The following ZDHHC3 variants were observed in gnomAD, a reference collection of about 807,000 sequenced individuals.
The protein encoded by ZDHHC3 is palmitoyltransferase ZDHHC3.
Under a neutral mutation model 30.6 loss-of-function variants are expected in ZDHHC3, and 9 were observed. That is an observed-to-expected ratio of 0.29 (90% CI 0.18 to 0.51). The LOEUF is 0.51. ZDHHC3 is among the 20% of genes least tolerant of loss of function. The pLI, the probability that ZDHHC3 is intolerant of heterozygous loss-of-function variation, is 0.97. For synonymous variants in ZDHHC3, 136 were observed against 140.2 expected (o/e 0.97, Z 0.21); for missense variants, 246 against 384.2 (o/e 0.64, Z 3.01).
chr3:44,942,132 A>G (rs1020535879), intron 3 of ZDHHC3, among the ~76,000 whole-genome samples: 9 of 152,396 alleles, frequency 5.9e-5, no homozygotes, highest in Non-Finnish European at 8.8e-5. Flanking sequence ...GAATGGAGAC[A>G]GTCTCAAATT....
Position 44,920,865 on chromosome 3 carries a change from G to C in ZDHHC3, c.*5824C>G, listed in dbSNP as rs1419220108. ...CAGCAGTAAAGTCGACAAACTTTCA[G>C]GGAGTGTTGACTTTTGAGTCTAGAA... On this transcript the variant is annotated 3_prime_UTR_variant, in exon 7 of 7. Coordinates refer to ENST00000424952, the MANE Select transcript of ZDHHC3 (RefSeq NM_001135179.2). 28 of 985,340 alleles carry C rather than the reference G, an allele frequency of 2.8e-5. No homozygotes were observed. The highest frequency in any genetic ancestry group is 3.3e-5 in the Non-Finnish European group (27 of 829,946). The allele number at this position is 985,340 out of a possible 1,614,324, so 61.0% of individuals were successfully genotyped here.
At chr3:44,943,778 G>T (rs577150091) in intron 3 of ZDHHC3, among the ~76,000 whole-genome samples, 2 of 152,242 alleles carry the variant, frequency 1.3e-5, no homozygotes, top group South Asian at 4.1e-4. Context: ...GGCTGAGGTG[G>T]GAGGATCACT....
rs1173118043 is a variant in ZDHHC3, at chr3:44,915,651, T to C, written c.*11038A>G. On this transcript the variant is annotated 3_prime_UTR_variant, in exon 7 of 7. Coordinates refer to ENST00000424952, the MANE Select transcript of ZDHHC3 (RefSeq NM_001135179.2). ...ACCAATCTGAAAACAGAATTGCCTT[T>C]GGGGCTGGTGTTGTACCTCTGCTTT... is the stretch of plus-strand genomic sequence containing the variant. 6.6e-6 allele frequency: 1 copy of C among 152,248 alleles called. No homozygotes were observed. The highest frequency in any genetic ancestry group is 1.5e-5 in the Non-Finnish European group (1 of 68,110). The allele number at this position is 152,248 out of a possible 1,614,324, so 9.4% of individuals were successfully genotyped here.
chr3:44,934,713 G>A (rs1292777274), intron 3 of ZDHHC3, among the ~76,000 whole-genome samples: 2 of 151,716 alleles, frequency 1.3e-5, no homozygotes, highest in Admixed American at 6.6e-5. Flanking sequence ...CGAACATGGC[G>A]AAACCCCATC....
chr3:44,972,727 G>A (rs1705505975), intron 1 of ZDHHC3, among the ~76,000 whole-genome samples: 1 of 152,102 alleles, frequency 6.6e-6, no homozygotes, highest in South Asian at 2.1e-4. Flanking sequence ...TTATTGTCTT[G>A]TTCATGCAGT....
intron 1 of ZDHHC3, among the ~76,000 whole-genome samples, chr3:44,971,176 A>G (rs568899426): frequency 9.2e-5 from 14 of 152,348 alleles, no homozygotes; most frequent in African/African-American, 3.1e-4. Context: ...TTACCTTGCT[A>G]AGGTAAGAAA....
rs1308246286 is a variant in ZDHHC3 at position 44,915,330 on chromosome 3, T to TCTC, written c.*11356_*11358dup. The TCTC allele has an allele frequency of 6.6e-6, 1 of 152,184 alleles. No homozygotes were observed. The highest frequency in any genetic ancestry group is 2.4e-5 in the African/African-American group (1 of 41,424). 9.4% of individuals were successfully genotyped at this position (152,184 alleles called of 1,614,324 possible). A position where few individuals can be genotyped will look rare whatever the true frequency, so the allele number is the denominator to read the frequency against. On this transcript the variant is annotated 3_prime_UTR_variant, in exon 7 of 7. Coordinates refer to ENST00000424952, the MANE Select transcript of ZDHHC3 (RefSeq NM_001135179.2). ...GCACCCAATCTCTCTCCCTGTAAGA[T>TCTC]CTCATCTGGTTTTGACATCAGTTGC... is the stretch of plus-strand genomic sequence containing the variant.
chr3:44,969,295 G>A (rs1475928299), intron 1 of ZDHHC3, among the ~76,000 whole-genome samples: 3 of 151,952 alleles, frequency 2.0e-5, no homozygotes, highest in Non-Finnish European at 2.9e-5. Flanking sequence ...CCTCACTTAA[G>A]GTGTCACCAC....
At chr3:44,956,006 T>C (rs1291257365) in intron 2 of ZDHHC3, among the ~76,000 whole-genome samples, 1 of 152,240 alleles carries the variant, frequency 6.6e-6, no homozygotes. Flanking sequence ...AACTGTTGTT[T>C]AGGATACAGT....
rs766633773 is a variant in ZDHHC3 at position 44,926,061 on chromosome 3, C to T, written c.*628G>A. The T allele has an allele frequency of 4.7e-5, 46 of 985,722 alleles. No homozygotes were observed. The South Asian group carries it at 6.6e-4, about 14-fold the overall frequency. The allele number at this position is 985,722 out of a possible 1,614,324, so 61.1% of individuals were successfully genotyped here. A position where few individuals can be genotyped will look rare whatever the true frequency, so the allele number is the denominator to read the frequency against. ...TCTTTCATCTTTCTCCCCACTCCCC[C>T]GCAAAATCATTCTACACACCCCAAG... On this transcript the variant is annotated 3_prime_UTR_variant, in exon 7 of 7. Coordinates refer to ENST00000424952, the MANE Select transcript of ZDHHC3 (RefSeq NM_001135179.2).
chr3:44,928,769 G>A (rs537632867), intron 6 of ZDHHC3, among the ~76,000 whole-genome samples: 5 of 152,260 alleles, frequency 3.3e-5, no homozygotes, highest in African/African-American at 9.6e-5. Context: ...AGAAGGCAGC[G>A]GATGAGGACC....
In ZDHHC3 at chr3:44,920,496, A is replaced by C. The variant is rs1019604647; in HGVS notation, c.*6193T>G. The stretch of plus-strand genomic sequence containing the variant: ...CATAGGTTTTTATGGCCTCCTTGTG[A>C]GGAGGTGGGTATGAGTATTGATGAT... On this transcript the variant is annotated 3_prime_UTR_variant, in exon 7 of 7. Transcript: ENST00000424952. 1 of 985,296 alleles carries C rather than the reference A, an allele frequency of 1.0e-6. No individual in the cohort carries two copies. Among genetic ancestry groups the C allele is most frequent in the African/African-American group, 1.7e-5 (1 of 57,232 alleles). The allele number at this position is 985,296 out of a possible 1,614,324, so 61.0% of individuals were successfully genotyped here.
rs9809376 is a variant in ZDHHC3 at position 44,945,040 on chromosome 3, T to C, written c.431+128A>G. 3,344 of 1,367,010 alleles carry C rather than the reference T, an allele frequency of 2.4e-3. 40 individuals carry two copies. The African/African-American group carries it at 0.03, about 12-fold the overall frequency. 84.7% of individuals were successfully genotyped at this position (1,367,010 alleles called of 1,614,324 possible). A position where few individuals can be genotyped will look rare whatever the true frequency, so the allele number is the denominator to read the frequency against. On this transcript the variant is annotated intron_variant, in intron 3 of 6. Transcript: ENST00000424952. ...CACTCTCTGCCCAGAGCAGGGGACA[T>C]TTGGAATCCCGATGCTGACTTGGCC... is the stretch of plus-strand genomic sequence containing the variant.
Position 44,926,370 on chromosome 3 carries a change from T to C in ZDHHC3, c.*319A>G. The C allele has an allele frequency of 9.5e-7, 1 of 1,050,346 alleles. No individual in the cohort carries two copies. The allele number at this position is 1,050,346 out of a possible 1,614,324, so 65.1% of individuals were successfully genotyped here. A position where few individuals can be genotyped will look rare whatever the true frequency, so the allele number is the denominator to read the frequency against. On this transcript the variant is annotated 3_prime_UTR_variant, in exon 7 of 7. Transcript: ENST00000424952. ...GTCATGTCTCACTCAGTTAGTAGAA[T>C]GGGCACAGCGCGAGACAGCGCCCTC...
At chr3:44,945,855 C>A (rs1344559548) in intron 2 of ZDHHC3, among the ~76,000 whole-genome samples, 1 of 152,162 alleles carries the variant, frequency 6.6e-6, no homozygotes, top group African/African-American at 2.4e-5. Flanking sequence ...CCACACCCGG[C>A]CAATTCTTTG....
In ZDHHC3 at chr3:44,920,454, G is replaced by A. The variant is rs186676939; in HGVS notation, c.*6235C>T. On this transcript the variant is annotated 3_prime_UTR_variant, in exon 7 of 7. Transcript: ENST00000424952. Reference sequence around the variant, plus strand: ...AGACTGGCTGCATCCACACTGACTTGGACTCAAAGCCATGACCATAGGTTT... The same window carrying A: ...AGACTGGCTGCATCCACACTGACTTAGACTCAAAGCCATGACCATAGGTTT... 114 of 1,236,700 alleles carry A rather than the reference G, an allele frequency of 9.2e-5. 1 individual carries two copies. In the African/African-American group the frequency reaches 1.4e-3, roughly 15 times the overall value. The allele number at this position is 1,236,700 out of a possible 1,614,324, so 76.6% of individuals were successfully genotyped here. A position where few individuals can be genotyped will look rare whatever the true frequency, so the allele number is the denominator to read the frequency against.
In ZDHHC3 at chr3:44,976,172, G is replaced by T; in HGVS notation, c.-264C>A. The stretch of plus-strand genomic sequence containing the variant: ...GGCTGCAGGAGCGGCCGCCGCGCAG[G>T]TTGATGACGCGCTGACGCGGGGCGG... On this transcript the variant is annotated 5_prime_UTR_variant, in exon 1 of 7. Coordinates refer to ENST00000424952, the MANE Select transcript of ZDHHC3 (RefSeq NM_001135179.2). 9.6e-7 allele frequency: 1 copy of T among 1,041,274 alleles called. No individual in the cohort carries two copies. Among genetic ancestry groups the T allele is most frequent in the Non-Finnish European group, 1.3e-6 (1 of 792,314 alleles). The allele number at this position is 1,041,274 out of a possible 1,614,324, so 64.5% of individuals were successfully genotyped here. A position where few individuals can be genotyped will look rare whatever the true frequency, so the allele number is the denominator to read the frequency against.
At chr3:44,929,165 GCAAA>G (rs1701266025) in intron 6 of ZDHHC3, 137 bp downstream of exon 6, 4 of 1,143,146 alleles carry the variant, frequency 3.5e-6, no homozygotes, top group Non-Finnish European at 4.9e-6. Context: ...AAGTGTAACT[GCAAA>G]CAAAGAACTG....
At chr3:44,963,695 G>A (rs750351070) in intron 1 of ZDHHC3, among the ~76,000 whole-genome samples, 12 of 152,152 alleles carry the variant, frequency 7.9e-5, no homozygotes, top group Non-Finnish European at 1.8e-4. Context: ...CCAAGGAGCT[G>A]GGCAGAACTG....
Sources: allele counts gnomAD v4.1 joint callset (sites outside exome capture counted in the v4.1 genomes callset), GRCh38; gene constraint gnomAD v4.1.1; transcripts MANE v1.5; gene names NCBI Gene and HGNC (gene_info 2026-07-23, HGNC 2026-07-21).